Variants in SLIT3 observed in about 807,000 individuals in gnomAD.
The protein encoded by SLIT3 is slit guidance ligand 3, also known as slit homolog 3 protein.
SLIT3 carries 68 observed loss-of-function variants against 184.0 expected under a neutral mutation model. That is an observed-to-expected ratio of 0.37 (90% CI 0.30 to 0.45). SLIT3 has a LOEUF of 0.45. SLIT3 is among the 20% of genes least tolerant of loss of function. SLIT3 has a pLI of 1.00. For missense variants in SLIT3, 1,707 were observed against 2,026.0 expected (o/e 0.84, Z 3.02); for synonymous variants, 831 against 828.6 (o/e 1.00, Z -0.05).
chr5:168,884,099 G>A (rs1760070679), intron 4 of SLIT3, among the ~76,000 whole-genome samples: 1 of 151,692 alleles, frequency 6.6e-6, no homozygotes, highest in Non-Finnish European at 1.5e-5. Flanking sequence ...GAAAGATATG[G>A]GCTGTTTTTT....
At chr5:168,785,212 AGAT>A (rs1346170569) in intron 12 of SLIT3, among the ~76,000 whole-genome samples, 1 of 152,228 alleles carries the variant, frequency 6.6e-6, no homozygotes, top group Non-Finnish European at 1.5e-5. Context: ...CACAAATCAG[AGAT>A]GATTTTACCA....
intron 11 of SLIT3, among the ~76,000 whole-genome samples, chr5:168,787,849 T>C (rs920320064): frequency 5.9e-5 from 9 of 152,158 alleles, no homozygotes; most frequent in African/African-American, 2.2e-4. Flanking sequence ...GCTGGGATTG[T>C]GTGTGCTTGT....
chr5:168,954,822 T>C (rs1376648523), intron 4 of SLIT3, among the ~76,000 whole-genome samples: 1 of 152,216 alleles, frequency 6.6e-6, no homozygotes, highest in Non-Finnish European at 1.5e-5. Flanking sequence ...TAGCTGATTG[T>C]TGCCTTGAGA....
intron 3 of SLIT3, among the ~76,000 whole-genome samples, chr5:169,202,912 T>A (rs1393432402): frequency 6.6e-6 from 1 of 150,682 alleles, no homozygotes; most frequent in Non-Finnish European, 1.5e-5. Flanking sequence ...GAGTACATAA[T>A]GGCCTGAGCC....
intron 4 of SLIT3, among the ~76,000 whole-genome samples, chr5:169,143,995 A>G (rs1287799235): frequency 6.6e-6 from 1 of 152,220 alleles, no homozygotes; most frequent in African/African-American, 2.4e-5. Flanking sequence ...AGTGTGAGTT[A>G]AGGACTATGA....
intron 21 of SLIT3, among the ~76,000 whole-genome samples, chr5:168,723,386 A>G (rs1763008188): frequency 1.3e-5 from 2 of 148,152 alleles, no homozygotes; most frequent in African/African-American, 5.0e-5. Context: ...CCACCCACTC[A>G]TTCATCCAAA....
intron 9 of SLIT3, among the ~76,000 whole-genome samples, chr5:168,796,924 G>C (rs1338758261): frequency 6.6e-6 from 1 of 152,152 alleles, no homozygotes; most frequent in Admixed American, 6.5e-5. Context: ...AAGGGGGAAA[G>C]CAGGGAGAAA....
chr5:168,726,802 C>CG (rs2113384914), intron 20 of SLIT3, among the ~76,000 whole-genome samples: 1 of 147,816 alleles, frequency 6.8e-6, no homozygotes, highest in East Asian at 2.0e-4. Context: ...GTGAAACCCC[C>CG]CTCCTAAAAA....
intron 4 of SLIT3, among the ~76,000 whole-genome samples, chr5:169,031,434 G>A (rs573765099): frequency 2.4e-4 from 32 of 135,034 alleles, no homozygotes; most frequent in African/African-American, 4.1e-4. Context: ...ATTCCAAATC[G>A]TAATAAAAGC....
intron 29 of SLIT3, among the ~76,000 whole-genome samples, chr5:168,688,105 A>T (rs1761801623): frequency 6.6e-6 from 1 of 152,208 alleles, no homozygotes; most frequent in African/African-American, 2.4e-5. Context: ...CCAGCATAGA[A>T]ACACACCTGA....
intron 4 of SLIT3, among the ~76,000 whole-genome samples, chr5:168,912,277 C>T (rs1411385397): frequency 6.6e-6 from 1 of 151,972 alleles, no homozygotes; most frequent in African/African-American, 2.4e-5. Flanking sequence ...TGTTAATTGA[C>T]TGTTTATGTT....
chr5:168,946,867 T>A (rs1328148221), intron 4 of SLIT3, among the ~76,000 whole-genome samples: 1 of 152,186 alleles, frequency 6.6e-6, no homozygotes, highest in Non-Finnish European at 1.5e-5. Context: ...CGAACACCTC[T>A]CCATTTGCAA....
At chr5:168,693,126 T>C (rs1402118208) in intron 28 of SLIT3, among the ~76,000 whole-genome samples, 1 of 152,244 alleles carries the variant, frequency 6.6e-6, no homozygotes, top group Non-Finnish European at 1.5e-5. Flanking sequence ...CAACAGTGAC[T>C]GGGTCCTTTC....
chr5:169,161,361 C>G (rs963804595), intron 4 of SLIT3, among the ~76,000 whole-genome samples: 1 of 152,222 alleles, frequency 6.6e-6, no homozygotes, highest in African/African-American at 2.4e-5. Flanking sequence ...CCCTCCCACC[C>G]TGTCCATCAC....
chr5:169,173,217 C>T (rs1367590323), intron 4 of SLIT3, among the ~76,000 whole-genome samples: 3 of 152,126 alleles, frequency 2.0e-5, no homozygotes, highest in South Asian at 2.1e-4. Flanking sequence ...GCCAAGATCG[C>T]GTCTTTGCAC....
chr5:168,662,766 A>G lies in SLIT3; in HGVS notation c.*3688T>C, dbSNP rs1760910863. The G allele has an allele frequency of 6.6e-6, 1 of 152,204 alleles. No homozygotes were observed. Among genetic ancestry groups the G allele is most frequent in the African/African-American group, 2.4e-5 (1 of 41,456 alleles). 9.4% of individuals were successfully genotyped at this position (152,204 alleles called of 1,614,324 possible). On this transcript the variant is annotated 3_prime_UTR_variant, in exon 36 of 36. Transcript: ENST00000519560. Reference sequence around the variant, plus strand: ...TTCCTGAATCCTGCTCAGGGGGGACACAGCTTGAGCGGCCTCTTCTGCCCA... The same window carrying G: ...TTCCTGAATCCTGCTCAGGGGGGACGCAGCTTGAGCGGCCTCTTCTGCCCA...
intron 4 of SLIT3, among the ~76,000 whole-genome samples, chr5:169,084,454 ATTTTTTTT>A (rs56062027): frequency 0.073 from 7,419 of 101,624 alleles, 286 homozygotes; most frequent in East Asian, 0.18. Context: ...CCATGCCCAG[ATTTTTTTT>A]TTTTTTTTTT....
At chr5:168,959,457 C>T (rs1404745822) in intron 4 of SLIT3, among the ~76,000 whole-genome samples, 1 of 152,160 alleles carries the variant, frequency 6.6e-6, no homozygotes, top group Non-Finnish European at 1.5e-5. Flanking sequence ...TGAAAACCAC[C>T]CTGGAGAGCC....
intron 4 of SLIT3, among the ~76,000 whole-genome samples, chr5:169,145,826 T>C (rs1186568800): frequency 6.6e-6 from 1 of 152,208 alleles, no homozygotes; most frequent in Non-Finnish European, 1.5e-5. Flanking sequence ...GGCGGACAGA[T>C]TGCCTGAGGT....
Sources: gnomAD v4.1 joint callset for allele counts (sites outside exome capture counted in the v4.1 genomes callset) on GRCh38, gnomAD v4.1.1 for gene constraint, MANE v1.5 for transcripts, NCBI Gene and HGNC (gene_info 2026-07-23, HGNC 2026-07-21) for gene names.